The following SNX4 variants were observed in gnomAD, a reference collection of about 807,000 sequenced individuals.
SNX4 encodes the protein sorting nexin 4.
Under a neutral mutation model 70.8 loss-of-function variants are expected in SNX4, and 49 were observed. The ratio of observed to expected loss-of-function variants is 0.69; its 90% confidence interval spans 0.55 to 0.88. The LOEUF is 0.88. SNX4 is among the 40% of genes least tolerant of loss of function. The pLI is 0.00. For synonymous variants in SNX4, 206 were observed against 183.8 expected (o/e 1.12, Z -0.98); for missense variants, 528 against 544.8 (o/e 0.97, Z 0.31).
chr3:125,508,911 C>CAA lies in SNX4; in HGVS notation c.142-4168_142-4167insTT, dbSNP rs566255773. On this transcript the variant is annotated intron_variant, in intron 1 of 13. Transcript: ENST00000251775. ...AAAGCACAAAACTCTTAGAAGAAAA[C>CAA]ACGGGAAAAGTTTCAAGACACTGGA... Among the ~76,000 whole-genome samples, 3 of 116,836 alleles carry CAA rather than the reference C, an allele frequency of 2.6e-5. 1 individual carries two copies. The South Asian group carries it at 8.5e-4, about 33-fold the overall frequency. The allele number at this position is 116,836 out of a possible 152,430, so 76.6% of individuals were successfully genotyped here.
chr3:125,514,615 C>T (rs1167200797), intron 1 of SNX4, among the ~76,000 whole-genome samples: 1 of 152,172 alleles, frequency 6.6e-6, no homozygotes, highest in Non-Finnish European at 1.5e-5. Context: ...TGGTCTCAAA[C>T]TCCCGACCTC....
At chr3:125,452,457 C>T (rs1429004963) in intron 12 of SNX4, among the ~76,000 whole-genome samples, 5 of 151,992 alleles carry the variant, frequency 3.3e-5, no homozygotes, top group Admixed American at 2.0e-4. Flanking sequence ...GCTTGGTAGC[C>T]GGTAGTCCCA....
rs1933454201 is a variant in SNX4 at position 125,447,554 on chromosome 3, T to C, written c.*225A>G. 5.1e-6 allele frequency: 2 copies of C among 390,362 alleles called. No homozygotes were observed. 24.2% of individuals were successfully genotyped at this position (390,362 alleles called of 1,614,324 possible). ...TGGTATATATTATTAAATTAACTTT[T>C]TGGAATCAGCACCAGTCCCCAAAAC... On this transcript the variant is annotated 3_prime_UTR_variant, in exon 14 of 14. Coordinates refer to ENST00000251775, the MANE Select transcript of SNX4 (RefSeq NM_003794.4).
At chr3:125,483,255 G>A (rs1238261190) in intron 6 of SNX4, among the ~76,000 whole-genome samples, 1 of 151,772 alleles carries the variant, frequency 6.6e-6, no homozygotes, top group Non-Finnish European at 1.5e-5. Context: ...TTTTCCCTTA[G>A]AAGTTTTATG....
At chr3:125,487,433 ACATTCAATTGACAAAATATTTTT>A (rs1487863571) in intron 6 of SNX4, among the ~76,000 whole-genome samples, 29 of 152,282 alleles carry the variant, frequency 1.9e-4, no homozygotes, top group African/African-American at 6.5e-4. Flanking sequence ...GGGAGGAAAA[ACATTCAATTGACAAAATATTTTT>A]CATTCAACTG....
chr3:125,486,289 T>C (rs1418649767), intron 6 of SNX4, among the ~76,000 whole-genome samples: 1 of 152,096 alleles, frequency 6.6e-6, no homozygotes, highest in East Asian at 1.9e-4. Flanking sequence ...CCTCAACGTA[T>C]CACAACCTCA....
rs549593964 is a variant in SNX4, at chr3:125,449,727, C to T, written c.1305+1578G>A. 1.8e-4 allele frequency among the ~76,000 whole-genome samples: 27 copies of T among 152,222 alleles called. No homozygotes were observed. The South Asian group carries it at 4.6e-3, about 26-fold the overall frequency. ...CAGCTATAGTAGTATCTTTTATATTCACAGATTAAATTTCTAGCACCCTCA... is the reference window on the plus strand; with the variant it reads ...CAGCTATAGTAGTATCTTTTATATTTACAGATTAAATTTCTAGCACCCTCA... On this transcript the variant is annotated intron_variant, in intron 13 of 13. Coordinates refer to ENST00000251775, the MANE Select transcript of SNX4 (RefSeq NM_003794.4).
At chr3:125,505,783 T>A (rs372535515) in intron 1 of SNX4, among the ~76,000 whole-genome samples, 1 of 152,188 alleles carries the variant, frequency 6.6e-6, no homozygotes, top group African/African-American at 2.4e-5. Flanking sequence ...GACCCCCTTT[T>A]GTAAGCCAGA....
At chr3:125,487,630 T>C (rs1934560429) in intron 6 of SNX4, among the ~76,000 whole-genome samples, 1 of 152,038 alleles carries the variant, frequency 6.6e-6, no homozygotes, top group Non-Finnish European at 1.5e-5. Context: ...GTTCTTAATC[T>C]AGAGAACACC....
intron 1 of SNX4, 78 bp from the exon 2 acceptor site, chr3:125,504,822 T>C (rs1935012373): frequency 6.8e-7 from 1 of 1,476,630 alleles, no homozygotes; most frequent in East Asian, 2.4e-5. Context: ...GCTATATAAA[T>C]TAAACCCATT....
At chr3:125,508,225 G>A (rs556777066) in intron 1 of SNX4, among the ~76,000 whole-genome samples, 8 of 152,170 alleles carry the variant, frequency 5.3e-5, no homozygotes, top group Non-Finnish European at 1.2e-4. Context: ...CTCATCCTAA[G>A]AGTCATATGG....
intron 8 of SNX4, among the ~76,000 whole-genome samples, chr3:125,473,544 A>G (rs1249728545): frequency 2.0e-5 from 3 of 152,036 alleles, no homozygotes; most frequent in African/African-American, 4.8e-5. Flanking sequence ...CCTCCCAAGT[A>G]GCTGGGATTA....
At chr3:125,503,684 T>C (rs913962036) in intron 2 of SNX4, among the ~76,000 whole-genome samples, 1 of 152,194 alleles carries the variant, frequency 6.6e-6, no homozygotes, top group African/African-American at 2.4e-5. Flanking sequence ...AGTTCACTTC[T>C]ACATGCCAGA....
intron 1 of SNX4, among the ~76,000 whole-genome samples, chr3:125,515,401 C>T (rs1935254051): frequency 3.3e-5 from 5 of 151,538 alleles, no homozygotes. Flanking sequence ...GTGACTCACG[C>T]CTGTAATCCC....
intron 6 of SNX4, among the ~76,000 whole-genome samples, chr3:125,485,216 AG>A (rs1255858342): frequency 6.6e-6 from 1 of 152,186 alleles, no homozygotes; most frequent in Non-Finnish European, 1.5e-5. Context: ...ACTGCACCCC[AG>A]CCTGGGTAAC....
intron 1 of SNX4, 84 bp downstream of exon 1, chr3:125,519,948 G>GGCCCGGCCCA (rs1396366108): frequency 1.3e-5 from 10 of 775,400 alleles, no homozygotes; most frequent in African/African-American, 1.1e-4. Flanking sequence ...GGCCCGGCCC[G>GGCCCGGCCCA]GCCCAGCCCA....
At chr3:125,508,174 C>T (rs1316481785) in intron 1 of SNX4, among the ~76,000 whole-genome samples, 1 of 152,158 alleles carries the variant, frequency 6.6e-6, no homozygotes, top group Non-Finnish European at 1.5e-5. Context: ...CTACGAAAAT[C>T]CCAATGACAT....
intron 8 of SNX4, among the ~76,000 whole-genome samples, chr3:125,473,390 C>T (rs1008805976): frequency 4.6e-5 from 7 of 152,074 alleles, no homozygotes; most frequent in Admixed American, 4.6e-4. Flanking sequence ...TACCCATTTT[C>T]CCCCTTCTCA....
At chr3:125,456,426 G>A (rs994508681) in intron 11 of SNX4, among the ~76,000 whole-genome samples, 7 of 152,054 alleles carry the variant, frequency 4.6e-5, no homozygotes, top group African/African-American at 1.2e-4. Flanking sequence ...TTTGGGAGGC[G>A]GAGGTGGGAG....
Sources: gnomAD v4.1 joint callset for allele counts (sites outside exome capture counted in the v4.1 genomes callset) on GRCh38, gnomAD v4.1.1 for gene constraint, MANE v1.5 for transcripts, NCBI Gene and HGNC (gene_info 2026-07-23, HGNC 2026-07-21) for gene names.